The following SLC4A4 variants were observed in gnomAD, a reference collection of about 807,000 sequenced individuals.
SLC4A4 encodes electrogenic sodium bicarbonate cotransporter 1.
Under a neutral mutation model 111.5 loss-of-function variants are expected in SLC4A4, and 27 were observed. The observed-to-expected ratio is 0.24, with a 90% confidence interval of 0.18 to 0.33. The LOEUF (loss-of-function observed/expected upper bound fraction) is 0.33, where lower values mean the gene tolerates loss of function less well. Among genes scored for constraint, SLC4A4 ranks in the 10% least tolerant of loss-of-function variants. SLC4A4 has a pLI of 1.00. For synonymous variants in SLC4A4, 443 were observed against 463.4 expected, an observed-to-expected ratio of 0.96 and a Z score of 0.57; for missense variants, 909 against 1,315.5, an observed-to-expected ratio of 0.69 and a Z score of 4.78.
At chr4:71,357,766 A>G (rs1056249331) in intron 6 of SLC4A4, among the ~76,000 whole-genome samples, 1 of 152,062 alleles carries the variant, frequency 6.6e-6, no homozygotes, top group Non-Finnish European at 1.5e-5. Flanking sequence ...TGGGATATTA[A>G]CCCCATTATT....
chr4:71,571,381 G>A lies in SLC4A4; in HGVS notation c.*3630G>A, dbSNP rs1160340289. On this transcript the variant is annotated 3_prime_UTR_variant, in exon 26 of 26. Coordinates refer to ENST00000264485, the MANE Select transcript of SLC4A4 (RefSeq NM_001098484.3). ...AGCATGAAGCCCAGTGGCACCAAAT[G>A]GCTGGGTACAATCAAGTGATATTTT... is the stretch of plus-strand genomic sequence containing the variant. 6.6e-6 allele frequency: 1 copy of A among 152,090 alleles called. No individual in the cohort carries two copies. Among genetic ancestry groups the A allele is most frequent in the Non-Finnish European group, 1.5e-5 (1 of 67,882 alleles). 9.4% of individuals were successfully genotyped at this position (152,090 alleles called of 1,614,324 possible).
intron 2 of SLC4A4, among the ~76,000 whole-genome samples, chr4:71,178,282 T>TA (rs200183162): frequency 5.0e-4 from 70 of 140,164 alleles, no homozygotes; most frequent in East Asian, 8.3e-4. Flanking sequence ...ACTTAAAGTA[T>TA]AAAAAAAAAA....
intron 6 of SLC4A4, among the ~76,000 whole-genome samples, chr4:71,388,307 A>G (rs1424209365): frequency 6.6e-6 from 1 of 152,084 alleles, no homozygotes; most frequent in African/African-American, 2.4e-5. Flanking sequence ...GTGTGTGAAT[A>G]TGAGACAGAG....
At chr4:71,547,790 A>C (rs1735663344) in intron 20 of SLC4A4, 70 bp downstream of exon 20, 1 of 1,293,034 alleles carries the variant, frequency 7.7e-7, no homozygotes, top group African/African-American at 1.5e-5. Flanking sequence ...TGAAGAGTGA[A>C]ATTCCTCATG....
In SLC4A4 at chr4:71,466,487, T is replaced by C; in HGVS notation, c.1541T>C (p.Ile514Thr). The C allele has an allele frequency of 1.2e-6, 2 of 1,613,760 alleles. No individual in the cohort carries two copies. Among genetic ancestry groups the C allele is most frequent in the Non-Finnish European group, 1.7e-6 (2 of 1,179,742 alleles). Residue 514 changes from isoleucine to threonine, a missense_variant, in exon 13 of 26, where the codon ATC becomes ACC. By Grantham distance (89) the Ile-to-Thr change is moderately conservative. Transcript: ENST00000264485. Reference sequence around the variant, plus strand: ...CTGGGCACTGCTGTCTCTGGAGCCATCTTTTGCCTTTTTGCTGGTCAACCA... The same window carrying C: ...CTGGGCACTGCTGTCTCTGGAGCCACCTTTTGCCTTTTTGCTGGTCAACCA... ...SFLGTAVSGA[I>T]FCLFAGQPLT...
intron 2 of SLC4A4, among the ~76,000 whole-genome samples, chr4:71,117,739 A>G (rs575849657): frequency 9.2e-5 from 14 of 152,346 alleles, no homozygotes; most frequent in African/African-American, 2.9e-4. Flanking sequence ...CAAGATGGAA[A>G]GGGTTCTCTC....
At chr4:71,386,787 T>C (rs542303048) in intron 6 of SLC4A4, among the ~76,000 whole-genome samples, 2 of 152,312 alleles carry the variant, frequency 1.3e-5, no homozygotes, top group South Asian at 4.1e-4. Flanking sequence ...TTGGAATTCT[T>C]TTGCCTGCTT....
At chr4:71,311,896 A>T (rs1034753687) in intron 3 of SLC4A4, among the ~76,000 whole-genome samples, 1 of 145,468 alleles carries the variant, frequency 6.9e-6, no homozygotes, top group Non-Finnish European at 1.5e-5. Context: ...GCTGTGAGAG[A>T]GAGAGAGAGA....
chr4:71,437,136 G>T, intron 7 of SLC4A4: 1 of 463,108 alleles, frequency 2.2e-6, no homozygotes, highest in Non-Finnish European at 4.3e-6. Context: ...CTATATCTGA[G>T]TTCAGATCCG....
chr4:71,555,653 A>G (rs1234723226), intron 21 of SLC4A4, among the ~76,000 whole-genome samples: 3 of 151,924 alleles, frequency 2.0e-5, no homozygotes, highest in Non-Finnish European at 2.9e-5. Context: ...TTTTTTACCA[A>G]TAAAAGAATA....
In SLC4A4 at chr4:71,567,173, G is replaced by C. The variant is rs1021670826; in HGVS notation, c.*36+90G>C. The C allele has an allele frequency of 6.0e-6, 6 of 994,726 alleles. No individual in the cohort carries two copies. In the South Asian group the frequency reaches 8.8e-5, roughly 15 times the overall value. The allele number at this position is 994,726 out of a possible 1,614,324, so 61.6% of individuals were successfully genotyped here. A position where few individuals can be genotyped will look rare whatever the true frequency, so the allele number is the denominator to read the frequency against. ...TGGTGGGTTATTGACAGAACTTCTTGTTCTCCTTCGTCTCTATTATTTATC... is the reference window on the plus strand; with the variant it reads ...TGGTGGGTTATTGACAGAACTTCTTCTTCTCCTTCGTCTCTATTATTTATC... On this transcript the variant is annotated intron_variant, in intron 25 of 25. Coordinates refer to ENST00000264485, the MANE Select transcript of SLC4A4 (RefSeq NM_001098484.3).
chr4:71,455,580 G>T (rs2149083218), intron 12 of SLC4A4, among the ~76,000 whole-genome samples: 1 of 152,278 alleles, frequency 6.6e-6, no homozygotes, highest in Admixed American at 6.5e-5. Context: ...TAAGAAAATA[G>T]AAGAAAGCTG....
chr4:71,561,147 G>C (rs1420487845), intron 23 of SLC4A4, among the ~76,000 whole-genome samples: 1 of 151,678 alleles, frequency 6.6e-6, no homozygotes, highest in East Asian at 1.9e-4. Flanking sequence ...TCTAAAGTAG[G>C]AATATTGTTA....
intron 2 of SLC4A4, among the ~76,000 whole-genome samples, chr4:71,122,296 A>G (rs115325827): frequency 0.013 from 1,729 of 134,230 alleles, 41 homozygotes; most frequent in African/African-American, 0.045. Context: ...CTGGAAGACA[A>G]AAGCAAGACT....
At chr4:71,139,971 C>T (rs1743951598) in intron 2 of SLC4A4, among the ~76,000 whole-genome samples, 1 of 152,114 alleles carries the variant, frequency 6.6e-6, no homozygotes, top group Non-Finnish European at 1.5e-5. Context: ...TATATTTGTA[C>T]CCATTATACT....
chr4:71,542,690 C>T (rs922685577), intron 18 of SLC4A4, among the ~76,000 whole-genome samples: 7 of 152,112 alleles, frequency 4.6e-5, no homozygotes, highest in Admixed American at 6.6e-5. Context: ...CCTGACTTTG[C>T]GCTAAGTTGG....
At chr4:71,501,847 G>T (rs190118439) in intron 16 of SLC4A4, among the ~76,000 whole-genome samples, 1 of 151,974 alleles carries the variant, frequency 6.6e-6, no homozygotes, top group Non-Finnish European at 1.5e-5. Context: ...TGTATTTTTA[G>T]TAGAGATGGG....
intron 2 of SLC4A4, among the ~76,000 whole-genome samples, chr4:71,126,298 T>C (rs1372085186): frequency 6.6e-6 from 1 of 152,226 alleles, no homozygotes; most frequent in Non-Finnish European, 1.5e-5. Context: ...AAAATTGCTG[T>C]TATTTTGTAG....
intron 14 of SLC4A4, among the ~76,000 whole-genome samples, chr4:71,477,816 G>A (rs1728505174): frequency 6.6e-6 from 1 of 151,334 alleles, no homozygotes; most frequent in African/African-American, 2.4e-5. Flanking sequence ...TTTTCTGAGG[G>A]CCTGTTTCAC....
Sources: gnomAD v4.1 joint callset for allele counts (sites outside exome capture counted in the v4.1 genomes callset) on GRCh38, gnomAD v4.1.1 for gene constraint, MANE v1.5 for transcripts, NCBI Gene and HGNC (gene_info 2026-07-23, HGNC 2026-07-21) for gene names.